TAMM41: variants seen among roughly 807,000 people sequenced by gnomAD.
The protein encoded by TAMM41 is phosphatidate cytidylyltransferase, mitochondrial.
TAMM41 carries 36 observed loss-of-function variants against 44.1 expected under a neutral mutation model. That is an observed-to-expected ratio of 0.82 (90% CI 0.63 to 1.08). The LOEUF is 1.08. Ranked by LOEUF, TAMM41 falls within the 50% of genes least tolerant of loss-of-function variation. The probability of loss-of-function intolerance (pLI) is 0.00; values close to 1 mark genes in which losing one functional copy is unlikely to be tolerated. For missense variants in TAMM41, 417 were observed against 404.3 expected, an observed-to-expected ratio of 1.03 and a Z score of -0.27; for synonymous variants, 164 against 153.1, an observed-to-expected ratio of 1.07 and a Z score of -0.53.
intron 5 of TAMM41, among the ~76,000 whole-genome samples, chr3:11,811,898 G>A (rs2078098108): frequency 6.6e-6 from 1 of 152,142 alleles, no homozygotes; most frequent in South Asian, 2.1e-4. Context: ...CTTTTATGGT[G>A]TATGAGGTAT....
At chr3:11,741,474 C>G in the TAMM41 span, among the ~76,000 whole-genome samples, 3 of 149,706 alleles carry the variant, frequency 2.0e-5, no homozygotes, top group Admixed American at 2.0e-4. Flanking sequence ...TCCCCTTATC[C>G]TCAGAGAATA....
chr3:11,728,777 G>A, the TAMM41 span, among the ~76,000 whole-genome samples: 1 of 152,306 alleles, frequency 6.6e-6, no homozygotes, highest in East Asian at 1.9e-4. Context: ...GGGAGGCCGA[G>A]GCGGGCGGAT....
intron 3 of TAMM41, among the ~76,000 whole-genome samples, chr3:11,835,058 A>G (rs2079121579): frequency 6.6e-6 from 1 of 152,208 alleles, no homozygotes; most frequent in South Asian, 2.1e-4. Context: ...ATGCAAGACA[A>G]TTCTGGGGCT....
At chr3:11,803,053 C>G (rs908794758) in intron 7 of TAMM41, among the ~76,000 whole-genome samples, 1 of 152,188 alleles carries the variant, frequency 6.6e-6, no homozygotes, top group Non-Finnish European at 1.5e-5. Flanking sequence ...GGGCAGATCA[C>G]TTGAGATCAG....
the TAMM41 span, among the ~76,000 whole-genome samples, chr3:11,772,622 T>C: frequency 5.9e-5 from 9 of 152,310 alleles, no homozygotes; most frequent in Admixed American, 1.3e-4. Flanking sequence ...ATCTGTGCGA[T>C]TGTGAACAGT....
At chr3:11,765,779 G>A in the TAMM41 span, among the ~76,000 whole-genome samples, 1 of 150,400 alleles carries the variant, frequency 6.6e-6, no homozygotes, top group South Asian at 2.1e-4. Context: ...TCAGCTCACT[G>A]CAAGCTCTGC....
the TAMM41 span, among the ~76,000 whole-genome samples, chr3:11,746,048 C>A: frequency 3.3e-5 from 5 of 152,152 alleles, no homozygotes; most frequent in Non-Finnish European, 7.3e-5. Flanking sequence ...CGCCTGTAAT[C>A]CAAGCACTTT....
In TAMM41 at chr3:11,809,695, A is replaced by G. The variant is rs1325504339; in HGVS notation, c.709-13T>C. On this transcript the variant is annotated splice_polypyrimidine_tract_variant and intron_variant, in intron 5 of 7. Transcript: ENST00000455809. Reference sequence around the variant, plus strand: ...GGCTTTTATCTATCTGAAGGGAGGAAAAAAAAGACGACGTCTATGGAAGTG... The same window carrying G: ...GGCTTTTATCTATCTGAAGGGAGGAGAAAAAAGACGACGTCTATGGAAGTG... 25 of 1,589,964 alleles carry G rather than the reference A, an allele frequency of 1.6e-5. No homozygotes were observed. The highest frequency in any genetic ancestry group is 2.0e-5 in the Non-Finnish European group (24 of 1,174,604).
intron 7 of TAMM41, among the ~76,000 whole-genome samples, chr3:11,793,202 A>G (rs1219998552): frequency 6.6e-6 from 1 of 152,210 alleles, no homozygotes; most frequent in African/African-American, 2.4e-5. Context: ...TCAGTAGGAA[A>G]ATGAGCAGAA....
At chr3:11,792,430 G>C (rs574721909) in intron 7 of TAMM41, among the ~76,000 whole-genome samples, 5 of 152,208 alleles carry the variant, frequency 3.3e-5, no homozygotes, top group Non-Finnish European at 7.4e-5. Flanking sequence ...CTCTAACAAG[G>C]GGTCCACAGA....
chr3:11,790,325 T>C, downstream of TAMM41: 1 of 640,204 alleles, frequency 1.6e-6, no homozygotes. Flanking sequence ...TGCTAAGCCC[T>C]CTAATATATT....
downstream of TAMM41, among the ~76,000 whole-genome samples, chr3:11,786,310 A>AT (rs1351990515): frequency 8.6e-6 from 1 of 116,240 alleles, no homozygotes; most frequent in African/African-American, 3.3e-5. Context: ...TATTATTATT[A>AT]TTATTATTTT....
chr3:11,746,635 TTTA>T, the TAMM41 span, among the ~76,000 whole-genome samples: 1 of 142,836 alleles, frequency 7.0e-6, no homozygotes, highest in East Asian at 2.0e-4. Flanking sequence ...AGGATTGCTA[TTTA>T]TTATTAATTA....
the TAMM41 span, among the ~76,000 whole-genome samples, chr3:11,766,822 G>A: frequency 4.6e-5 from 7 of 151,848 alleles, no homozygotes; most frequent in African/African-American, 7.3e-5. Context: ...TTTCTGCCTC[G>A]ACCTCCTAAA....
rs759600146 is a variant in TAMM41 at position 11,846,669 on chromosome 3, G to A, written c.-33C>T. 3 of 1,613,742 alleles carry A rather than the reference G, an allele frequency of 1.9e-6. No homozygotes were observed. Among genetic ancestry groups the A allele is most frequent in the South Asian group, 2.2e-5 (2 of 91,058 alleles). ...AGGCTAACAGGGGACACTCAGCGCA[G>A]CAGGGCGAGGACAACCGGGCGGGGA... On this transcript the variant is annotated 5_prime_UTR_variant, in exon 1 of 8. Transcript: ENST00000455809.
chr3:11,798,382 C>T (rs2077662830), intron 7 of TAMM41, among the ~76,000 whole-genome samples: 1 of 152,210 alleles, frequency 6.6e-6, no homozygotes, highest in East Asian at 1.9e-4. Flanking sequence ...TTATCCTCAG[C>T]AAACTAACAC....
At chr3:11,725,454 C>CCTT in the TAMM41 span, among the ~76,000 whole-genome samples, 19,435 of 137,596 alleles carry the variant, frequency 0.14, 1,754 homozygotes, top group East Asian at 0.24. Context: ...TCCTCCTCCT[C>CCTT]CTTCTTCTTC....
rs138382621 is a variant in TAMM41, at chr3:11,809,512, C to T, written c.874+5G>A. ...ATTTCCTCAACATCAAATTCATAAA[C>T]GTACCTAGTCGCACCACATCTCCAC... On this transcript the variant is annotated splice_donor_5th_base_variant and intron_variant, in intron 6 of 7. Coordinates refer to ENST00000455809, the MANE Select transcript of TAMM41 (RefSeq NM_001284401.2). The T allele has an allele frequency of 8.1e-5, 131 of 1,613,090 alleles. No individual in the cohort carries two copies. Among genetic ancestry groups the T allele is most frequent in the Non-Finnish European group, 1.1e-4 (125 of 1,179,860 alleles).
the TAMM41 span, among the ~76,000 whole-genome samples, chr3:11,769,315 C>A: frequency 6.6e-6 from 1 of 151,830 alleles, no homozygotes; most frequent in African/African-American, 2.4e-5. Flanking sequence ...GTCTTGAACT[C>A]CTAACCTCAA....
Sources: allele counts gnomAD v4.1 joint callset (sites outside exome capture counted in the v4.1 genomes callset), GRCh38; gene constraint gnomAD v4.1.1; transcripts MANE v1.5; gene names NCBI Gene and HGNC (gene_info 2026-07-23, HGNC 2026-07-21).